The following TOMM20 variants were observed in gnomAD, a reference collection of about 807,000 sequenced individuals.
TOMM20 encodes translocase of outer mitochondrial membrane 20.
TOMM20 carries 10 observed loss-of-function variants against 22.1 expected under a neutral mutation model. The observed-to-expected ratio is 0.45, with a 90% CI of 0.28 to 0.77. The LOEUF is 0.77. Among genes scored for constraint, TOMM20 ranks in the 30% least tolerant of loss-of-function variants. The probability of loss-of-function intolerance (pLI) is 0.13; values close to 1 mark genes in which losing one functional copy is unlikely to be tolerated. For missense variants in TOMM20, 121 were observed against 172.2 expected, an observed-to-expected ratio of 0.70 and a Z score of 1.66; for synonymous variants, 55 against 61.4, an observed-to-expected ratio of 0.90 and a Z score of 0.49.
At chr1:235,119,324 G>T (rs937051741) in intron 3 of TOMM20, 6 of 152,122 alleles carry the variant, frequency 3.9e-5, no homozygotes, top group African/African-American at 1.4e-4. Flanking sequence ...CTGAAATAAG[G>T]GGTCATGAAC....
intron 2 of TOMM20, among the ~76,000 whole-genome samples, chr1:235,120,944 G>A (rs1371612161): frequency 4.4e-4 from 67 of 151,304 alleles, no homozygotes; most frequent in Non-Finnish European, 5.9e-5. Context: ...GCTCATGCCT[G>A]TAATCCCAGC....
rs1056744497 is a variant in TOMM20 at position 235,116,135 on chromosome 1, G to A, written c.251-2225C>T. Among the ~76,000 whole-genome samples the A allele has an allele frequency of 2.0e-5, 3 of 152,210 alleles. 1 individual carries two copies. In the Middle Eastern group the frequency reaches 0.01, roughly 518 times the overall value. ...GTAAATCTCAGAAATGAACGGGAAC[G>A]GCGGCTCACACCTGTAATCCCAGCA... On this transcript the variant is annotated intron_variant, in intron 3 of 4. Coordinates refer to ENST00000366607, the MANE Select transcript of TOMM20 (RefSeq NM_014765.3).
rs1355412245 is a variant in TOMM20 at position 235,109,629 on chromosome 1, A to G, written c.*2435T>C. ...CTACTAGGTTTTACACACTTTACAT[A>G]AACGTGAACCTAAGTTCTAGTTATC... On this transcript the variant is annotated 3_prime_UTR_variant, in exon 5 of 5. Coordinates refer to ENST00000366607, the MANE Select transcript of TOMM20 (RefSeq NM_014765.3). 6.6e-6 allele frequency: 1 copy of G among 152,220 alleles called. No individual in the cohort carries two copies. The highest frequency in any genetic ancestry group is 1.5e-5 in the Non-Finnish European group (1 of 68,034). 9.4% of individuals were successfully genotyped at this position (152,220 alleles called of 1,614,324 possible).
At position 235,127,734 on chromosome 1, in the gene TOMM20, C is replaced by G. The variant is rs1378056265; in HGVS notation, c.121+861G>C. On this transcript the variant is annotated intron_variant, in intron 1 of 4. Coordinates refer to ENST00000366607, the MANE Select transcript of TOMM20 (RefSeq NM_014765.3). ...CTCTTCAATGATGCGAATGAAGATT[C>G]TCCGAAAATTCAAGGTGGATCACAA... 25 of 378,526 alleles carry G rather than the reference C, an allele frequency of 6.6e-5. No homozygotes were observed. In the Admixed American group the frequency reaches 7.3e-4, roughly 11 times the overall value. 23.4% of individuals were successfully genotyped at this position (378,526 alleles called of 1,614,324 possible). A position where few individuals can be genotyped will look rare whatever the true frequency, so the allele number is the denominator to read the frequency against.
rs1460289350 is a variant in TOMM20 at position 235,113,767 on chromosome 1, CCTGA to C, written c.390_393del (p.Ser130ArgfsTer4). 2 of 1,606,752 alleles carry C rather than the reference CCTGA, an allele frequency of 1.2e-6. No individual in the cohort carries two copies. The highest frequency in any genetic ancestry group is 2.2e-5 in the East Asian group (1 of 44,844). On this transcript the variant is annotated frameshift_variant and splice_region_variant, in exon 4 of 5. Transcript: ENST00000366607. LOFTEE classifies it high-confidence loss of function. ...TATGTCATAACATTCCAATTCCTTACCTGACTAATTGTTGGGAGCTTAGTCAGAA... is the reference window on the plus strand; with the variant it reads ...TATGTCATAACATTCCAATTCCTTACCTAATTGTTGGGAGCTTAGTCAGAA...
At position 235,128,820 on chromosome 1, in the gene TOMM20, G is replaced by T; in HGVS notation, c.-105C>A. ...GCGCAGCTCACACCCGACGGCCGCG[G>T]GCCAGGAACACAGAAAGGCCGAGCA... On this transcript the variant is annotated 5_prime_UTR_variant, in exon 1 of 5. Transcript: ENST00000366607. 1 of 1,547,790 alleles carries T rather than the reference G, an allele frequency of 6.5e-7. No homozygotes were observed.
chr1:235,117,995 T>A (rs747211490), intron 3 of TOMM20, among the ~76,000 whole-genome samples: 4 of 152,242 alleles, frequency 2.6e-5, no homozygotes, highest in African/African-American at 4.8e-5. Flanking sequence ...GACCCAGGGC[T>A]GCACACTGAT....
At chr1:235,115,908 C>T (rs974557549) in intron 3 of TOMM20, among the ~76,000 whole-genome samples, 6 of 152,276 alleles carry the variant, frequency 3.9e-5, no homozygotes, top group East Asian at 1.9e-4. Flanking sequence ...CTCTCCTATA[C>T]GCAACCCACT....
chr1:235,114,522 T>C (rs933684341), intron 3 of TOMM20, among the ~76,000 whole-genome samples: 2 of 150,894 alleles, frequency 1.3e-5, no homozygotes, highest in Non-Finnish European at 3.0e-5. Flanking sequence ...CTGCAGGCTC[T>C]GCTCCCCAGG....
rs1182953515 is a variant in TOMM20, at chr1:235,110,275, G to C, written c.*1789C>G. 1.3e-5 allele frequency: 2 copies of C among 152,102 alleles called. No individual in the cohort carries two copies. Among genetic ancestry groups the C allele is most frequent in the African/African-American group, 4.8e-5 (2 of 41,360 alleles). 9.4% of individuals were successfully genotyped at this position (152,102 alleles called of 1,614,324 possible). On this transcript the variant is annotated 3_prime_UTR_variant, in exon 5 of 5. Coordinates refer to ENST00000366607, the MANE Select transcript of TOMM20 (RefSeq NM_014765.3). The stretch of plus-strand genomic sequence containing the variant: ...CTCCAGCCAGCCCTCCTTTTTCTGA[G>C]CCCATTCTTTCCTTGCTGAGCTATC...
At chr1:235,121,433 A>G (rs1481679578) in intron 2 of TOMM20, among the ~76,000 whole-genome samples, 2 of 152,216 alleles carry the variant, frequency 1.3e-5, no homozygotes, top group African/African-American at 2.4e-5. Context: ...CCTTAGAAAT[A>G]TAAGTTACCA....
chr1:235,112,112 A>G lies in TOMM20; in HGVS notation c.394-4T>C, dbSNP rs750150908. The G allele has an allele frequency of 1.3e-6, 2 of 1,599,572 alleles. No individual in the cohort carries two copies. Among genetic ancestry groups the G allele is most frequent in the African/African-American group, 1.4e-5 (1 of 73,840 alleles). On this transcript the variant is annotated splice_polypyrimidine_tract_variant and splice_region_variant and intron_variant, in intron 4 of 4. Coordinates refer to ENST00000366607, the MANE Select transcript of TOMM20 (RefSeq NM_014765.3). ...AGCTCTGAGCACTTACAATTCTCTG[A>G]AAGAAAAAAAAAATAATTTTTTAAA... is the stretch of plus-strand genomic sequence containing the variant.
intron 1 of TOMM20, among the ~76,000 whole-genome samples, chr1:235,127,591 AAT>A (rs1204535474): frequency 2.0e-5 from 3 of 152,210 alleles, no homozygotes; most frequent in Non-Finnish European, 4.4e-5. Flanking sequence ...AGTAAACAAT[AAT>A]CCCTTCTTTG....
chr1:235,127,723 G>T (rs781741976), intron 1 of TOMM20: 2 of 362,954 alleles, frequency 5.5e-6, no homozygotes, highest in Non-Finnish European at 1.1e-5. Flanking sequence ...TCAATGATGC[G>T]AATGAAGATT....
At chr1:235,112,591 G>T (rs956973646) in intron 4 of TOMM20, among the ~76,000 whole-genome samples, 1 of 151,984 alleles carries the variant, frequency 6.6e-6, no homozygotes, top group Non-Finnish European at 1.5e-5. Context: ...ATGAGTGCTA[G>T]GATTATAGGG....
chr1:235,113,327 A>T (rs1334292764), intron 4 of TOMM20, among the ~76,000 whole-genome samples: 1 of 152,242 alleles, frequency 6.6e-6, no homozygotes, highest in Non-Finnish European at 1.5e-5. Flanking sequence ...ATGAGCCTTT[A>T]CACAAGTGAG....
intron 1 of TOMM20, chr1:235,127,702 A>G: frequency 2.8e-6 from 1 of 353,306 alleles, no homozygotes; most frequent in Non-Finnish European, 5.7e-6. Flanking sequence ...TTATTGCAAC[A>G]AATTTGCTCT....
At chr1:235,116,095 T>C (rs1660822456) in intron 3 of TOMM20, among the ~76,000 whole-genome samples, 1 of 152,172 alleles carries the variant, frequency 6.6e-6, no homozygotes, top group Non-Finnish European at 1.5e-5. Flanking sequence ...ACTAACATGT[T>C]AGCATGCAAG....
At chr1:235,114,989 C>T (rs1169800758) in intron 3 of TOMM20, among the ~76,000 whole-genome samples, 2 of 152,126 alleles carry the variant, frequency 1.3e-5, no homozygotes, top group East Asian at 3.9e-4. Flanking sequence ...CCCACCTCAA[C>T]CTCCCAAGTA....
Sources: allele counts gnomAD v4.1 joint callset (sites outside exome capture counted in the v4.1 genomes callset), GRCh38; gene constraint gnomAD v4.1.1; transcripts MANE v1.5; gene names NCBI Gene and HGNC (gene_info 2026-07-23, HGNC 2026-07-21).